Variants in SUZ12 observed in about 807,000 individuals in gnomAD.
SUZ12 encodes polycomb protein SUZ12.
In SUZ12, 17 loss-of-function variants were observed where a neutral mutation model predicts 87.3. The ratio of observed to expected loss-of-function variants is 0.19; its 90% CI spans 0.13 to 0.29. The LOEUF (loss-of-function observed/expected upper bound fraction) is 0.29, where lower values mean the gene tolerates loss of function less well. Ranked by LOEUF, SUZ12 falls within the 10% of genes least tolerant of loss-of-function variation. SUZ12 has a pLI of 1.00. For synonymous variants in SUZ12, 253 were observed against 312.4 expected (o/e 0.81, Z 2.01); for missense variants, 526 against 912.2 (o/e 0.58, Z 5.45).
intron 4 of SUZ12, among the ~76,000 whole-genome samples, chr17:31,955,122 G>A (rs941974917): frequency 2.0e-5 from 3 of 151,988 alleles, no homozygotes; most frequent in Non-Finnish European, 4.4e-5. Flanking sequence ...ACTTTTTAGA[G>A]ATGAGGATTT....
chr17:31,983,442 G>A (rs981324402), intron 9 of SUZ12, among the ~76,000 whole-genome samples: 3 of 146,830 alleles, frequency 2.0e-5, no homozygotes, highest in Middle Eastern at 3.5e-3. Flanking sequence ...ACCACGCCTG[G>A]CTAATTTTTT....
At chr17:31,963,148 TATTATTA>T (rs879652608) in intron 4 of SUZ12, among the ~76,000 whole-genome samples, 12,711 of 143,208 alleles carry the variant, frequency 0.089, no homozygotes, top group South Asian at 0.18. Context: ...TACGATTATT[TATTATTA>T]TTATTTTTTG....
At chr17:31,970,393 C>T (rs1182929160) in intron 5 of SUZ12, among the ~76,000 whole-genome samples, 2 of 152,062 alleles carry the variant, frequency 1.3e-5, no homozygotes, top group African/African-American at 2.4e-5. Flanking sequence ...TTTGGGAGGC[C>T]GAGGCAGGTA....
intron 9 of SUZ12, among the ~76,000 whole-genome samples, chr17:31,988,108 T>A (rs1567835581): frequency 1.3e-5 from 2 of 152,182 alleles, no homozygotes; most frequent in African/African-American, 4.8e-5. Context: ...GTCGCCTCTT[T>A]TAGACAGCCT....
chr17:31,982,952 A>G, intron 8 of SUZ12, 47 bp from the exon 9 acceptor site: 1 of 1,471,932 alleles, frequency 6.8e-7, no homozygotes, highest in Non-Finnish European at 9.3e-7. Flanking sequence ...TTGTGTACTT[A>G]TAGTAATAAC....
chr17:31,946,221 A>C (rs988911243), intron 3 of SUZ12, among the ~76,000 whole-genome samples: 1 of 152,198 alleles, frequency 6.6e-6, no homozygotes, highest in Non-Finnish European at 1.5e-5. Context: ...TAATTTTTAC[A>C]GTAGTTGAAT....
chr17:31,983,651 G>A (rs1487962671), intron 9 of SUZ12, among the ~76,000 whole-genome samples: 2 of 152,092 alleles, frequency 1.3e-5, no homozygotes, highest in East Asian at 3.8e-4. Flanking sequence ...TGTGGCGTTT[G>A]GCAAGTTACT....
At chr17:31,940,882 T>C (rs1471635509) in intron 3 of SUZ12, among the ~76,000 whole-genome samples, 1 of 151,754 alleles carries the variant, frequency 6.6e-6, no homozygotes, top group African/African-American at 2.4e-5. Flanking sequence ...TGGTGGTGTG[T>C]GCCTGTAATC....
intron 4 of SUZ12, among the ~76,000 whole-genome samples, chr17:31,954,835 A>T (rs886346428): frequency 2.6e-5 from 4 of 152,202 alleles, no homozygotes; most frequent in Non-Finnish European, 5.9e-5. Flanking sequence ...CATATAAAGC[A>T]TTTGATGCCA....
At chr17:31,969,307 C>T (rs561603265) in intron 5 of SUZ12, among the ~76,000 whole-genome samples, 9 of 152,090 alleles carry the variant, frequency 5.9e-5, no homozygotes, top group Admixed American at 1.3e-4. Context: ...CACCATGCCC[C>T]GCTAATTTTT....
In SUZ12 at chr17:31,959,115, T is replaced by C. The variant is rs567831890; in HGVS notation, c.456-7032T>C. ...ATCTGATGTTTTCCCTTTCTTTTTTTTAATACACTTTGCCTTGACTATAAG... is the reference window on the plus strand; with the variant it reads ...ATCTGATGTTTTCCCTTTCTTTTTTCTAATACACTTTGCCTTGACTATAAG... On this transcript the variant is annotated intron_variant, in intron 4 of 15. Transcript: ENST00000322652. Among the ~76,000 whole-genome samples the C allele has an allele frequency of 3.5e-4, 53 of 152,330 alleles. No individual in the cohort carries two copies. In the East Asian group the frequency reaches 0.01, roughly 29 times the overall value.
At chr17:31,947,761 T>G (rs537718703) in intron 4 of SUZ12, 76 bp downstream of exon 4, 668 of 1,406,400 alleles carry the variant, frequency 4.7e-4, no homozygotes, top group Non-Finnish European at 6.2e-4. Context: ...ATTTTCCTAG[T>G]GATCACCTTG....
intron 5 of SUZ12, among the ~76,000 whole-genome samples, chr17:31,972,321 A>G (rs1034113710): frequency 3.3e-5 from 5 of 150,978 alleles, no homozygotes; most frequent in African/African-American, 1.2e-4. Context: ...GTGTATATAT[A>G]TGTATGTATG....
intron 8 of SUZ12, 139 bp downstream of exon 8, chr17:31,976,753 A>G (rs1441954210): frequency 6.1e-6 from 4 of 655,910 alleles, no homozygotes; most frequent in Non-Finnish European, 1.0e-5. Context: ...AAATTTGCAA[A>G]CACTGAATTT....
chr17:31,994,486 A>T, intron 12 of SUZ12, 78 bp from the exon 13 acceptor site: 1 of 1,335,298 alleles, frequency 7.5e-7, no homozygotes, highest in Non-Finnish European at 9.8e-7. Flanking sequence ...TTAAGAGCCC[A>T]CAAATTCTTT....
intron 4 of SUZ12, among the ~76,000 whole-genome samples, chr17:31,954,933 T>A (rs1907217188): frequency 6.6e-6 from 1 of 152,212 alleles, no homozygotes; most frequent in Non-Finnish European, 1.5e-5. Context: ...GTGCATTGTC[T>A]TCAAGGTAAT....
At chr17:31,961,510 C>T (rs1481903267) in intron 4 of SUZ12, among the ~76,000 whole-genome samples, 1 of 152,208 alleles carries the variant, frequency 6.6e-6, no homozygotes, top group African/African-American at 2.4e-5. Context: ...CACCACTGCA[C>T]TCCAGCCTGG....
At chr17:31,970,828 G>C (rs1908383958) in intron 5 of SUZ12, among the ~76,000 whole-genome samples, 1 of 151,832 alleles carries the variant, frequency 6.6e-6, no homozygotes, top group South Asian at 2.1e-4. Flanking sequence ...AAGAAAAAAT[G>C]TGTTGCCCAG....
chr17:31,994,531 TAATA>T (rs1384385280), intron 12 of SUZ12, 29 bp from the exon 13 acceptor site: 1 of 1,536,158 alleles, frequency 6.5e-7, no homozygotes, highest in Non-Finnish European at 8.8e-7. Flanking sequence ...ATAGGATACT[TAATA>T]TATTTTTTTT....
Sources: allele counts gnomAD v4.1 joint callset (sites outside exome capture counted in the v4.1 genomes callset), GRCh38; gene constraint gnomAD v4.1.1; transcripts MANE v1.5; gene names NCBI Gene and HGNC (gene_info 2026-07-23, HGNC 2026-07-21).